Variants in DDX55 observed in about 807,000 individuals in gnomAD.
DDX55 encodes ATP-dependent RNA helicase DDX55.
Under a neutral mutation model 69.2 loss-of-function variants are expected in DDX55, and 56 were observed. The ratio of observed to expected loss-of-function variants is 0.81; its 90% CI spans 0.65 to 1.01. DDX55 has a LOEUF of 1.01. Ranked by LOEUF, DDX55 falls within the 50% of genes least tolerant of loss-of-function variation. The pLI is 0.00. For missense variants in DDX55, 720 were observed against 745.1 expected (o/e 0.97, Z 0.39); for synonymous variants, 268 against 273.1 (o/e 0.98, Z 0.18).
intron 9 of DDX55, among the ~76,000 whole-genome samples, chr12:123,615,706 C>T (rs1285643972): frequency 6.6e-6 from 1 of 152,116 alleles, no homozygotes; most frequent in East Asian, 1.9e-4. Flanking sequence ...GGCTTAAGGC[C>T]GGACACGGTG....
At chr12:123,617,930 C>T (rs2135743392) in intron 11 of DDX55, 58 bp downstream of exon 11, 3 of 1,510,790 alleles carry the variant, frequency 2.0e-6, no homozygotes, top group Non-Finnish European at 2.8e-6. Context: ...TGGAAAAGTT[C>T]TCCAGCATGT....
At chr12:123,609,160 C>T (rs968134206) in intron 6 of DDX55, among the ~76,000 whole-genome samples, 1 of 151,864 alleles carries the variant, frequency 6.6e-6, no homozygotes, top group Non-Finnish European at 1.5e-5. Context: ...CCATGTTGCC[C>T]AGTCTGTTCT....
At chr12:123,608,621 TC>T in intron 5 of DDX55, 58 bp from the exon 6 acceptor site, 1 of 1,589,938 alleles carries the variant, frequency 6.3e-7, no homozygotes, top group Non-Finnish European at 8.6e-7. Flanking sequence ...ATTTTGGTAA[TC>T]ATCAACCACA....
chr12:123,603,584 G>T (rs1453238688), intron 1 of DDX55, among the ~76,000 whole-genome samples: 2 of 151,842 alleles, frequency 1.3e-5, no homozygotes, highest in Non-Finnish European at 2.9e-5. Context: ...TAGATACGGG[G>T]TTTCACCATC....
rs780839350 is a variant in DDX55 at position 123,619,456 on chromosome 12, G to A, written c.1358G>A (p.Arg453Gln). ...LKDLDFASLARGFALLRMPKM... is the reference protein window; with the variant it reads ...LKDLDFASLAQGFALLRMPKM... ...GATCTTGATTTTGCCAGCCTTGCTC[G>A]AGGTTTTGCCCTGCTGAGGATGCCC... The change falls in exon 13 of 14, where the codon CGA becomes CAA. Residue 453 changes from arginine (R) to glutamine (Q), a missense_variant. Arg to Gln is a conservative substitution (Grantham distance 43). Coordinates refer to ENST00000238146, the MANE Select transcript of DDX55 (RefSeq NM_020936.3). 9 of 1,612,300 alleles carry A rather than the reference G, an allele frequency of 5.6e-6. No homozygotes were observed. Among genetic ancestry groups the A allele is most frequent in the Middle Eastern group, 3.3e-4 (2 of 6,064 alleles).
In DDX55 at chr12:123,613,161, AT is replaced by A. The variant is rs757969750; in HGVS notation, c.742-5del. 6.2e-7 allele frequency: 1 copy of A among 1,613,748 alleles called. No individual in the cohort carries two copies. Among genetic ancestry groups the A allele is most frequent in the African/African-American group, 1.3e-5 (1 of 75,012 alleles). ...ATGTTTTTTATTAGTTTCCCTTTTT[AT>A]TTTGCAGGTATGCAAGGCAGATGAG... On this transcript the variant is annotated splice_region_variant and splice_polypyrimidine_tract_variant and intron_variant, in intron 7 of 13. Transcript: ENST00000238146.
rs778449815 is a variant in DDX55 at position 123,615,252 on chromosome 12, T to C, written c.892T>C (p.Cys298Arg). Residue 298 changes from cysteine (C) to arginine (R), a missense_variant, in exon 9 of 14, where the codon TGC becomes CGC. Cys to Arg is a radical substitution (Grantham distance 180). Coordinates refer to ENST00000238146, the MANE Select transcript of DDX55 (RefSeq NM_020936.3). ...GCTGGTGAAGGGCGTGAAGATTATGTGCATTCACGGAAAGATGAAATATAA... is the reference window on the plus strand; with the variant it reads ...GCTGGTGAAGGGCGTGAAGATTATGCGCATTCACGGAAAGATGAAATATAA... ...EVLVKGVKIM[C>R]IHGKMKYKRN... 3.7e-6 allele frequency: 6 copies of C among 1,614,186 alleles called. No homozygotes were observed. The East Asian group carries it at 1.1e-4, about 30-fold the overall frequency.
rs182275271 is a variant in DDX55, at chr12:123,618,279, T to C, written c.1165-390T>C. On this transcript the variant is annotated intron_variant, in intron 11 of 13. Coordinates refer to ENST00000238146, the MANE Select transcript of DDX55 (RefSeq NM_020936.3). ...CGCCCACCTCGGCCTCCCAAAGTGC[T>C]GGGATGACAGGCGTGAGCCACCGTG... 4.5e-4 allele frequency: 220 copies of C among 487,164 alleles called. 1 individual carries two copies. Among genetic ancestry groups the C allele is most frequent in the Non-Finnish European group, 7.5e-4 (186 of 247,720 alleles). The allele number at this position is 487,164 out of a possible 1,614,324, so 30.2% of individuals were successfully genotyped here.
At chr12:123,616,777 T>G in intron 10 of DDX55, 174 bp downstream of exon 10, 1 of 686,192 alleles carries the variant, frequency 1.5e-6, no homozygotes, top group East Asian at 2.6e-5. Context: ...CAGAACAGTT[T>G]TGAAATGGTT....
rs1302319223 is a variant in DDX55, at chr12:123,618,885, G to A, written c.1333+48G>A. The A allele has an allele frequency of 5.6e-6, 9 of 1,597,886 alleles. 1 individual carries two copies. The highest frequency in any genetic ancestry group is 7.7e-6 in the Non-Finnish European group (9 of 1,170,020). On this transcript the variant is annotated intron_variant, in intron 12 of 13. Transcript: ENST00000238146. ...ATAATGTCTCCATCTTAACTATGTG[G>A]TGGTCTTACAAGTATGAGATTGCTT...
Position 123,619,417 on chromosome 12 carries a change from TTC to T in DDX55, c.1334-13_1334-12del, listed in dbSNP as rs754586073. The T allele has an allele frequency of 1.5e-5, 24 of 1,604,600 alleles. No individual in the cohort carries two copies. In the African/African-American group the frequency reaches 3.1e-4, roughly 21 times the overall value. ...CCTGTTGAGTGCGCTAACTCTGATC[TTC>T]TGATTGAATCAGATCTTGATTTTGC... On this transcript the variant is annotated splice_polypyrimidine_tract_variant and intron_variant, in intron 12 of 13. Transcript: ENST00000238146.
In DDX55 at chr12:123,617,858, G is replaced by C; in HGVS notation, c.1150G>C (p.Ala384Pro). The change falls in exon 11 of 14, where the codon GCA becomes CCA. Residue 384 changes from alanine (A) to proline (P), a missense_variant. Transcript: ENST00000238146. ...GGAAGAGTCATACATCAATTTCCTT[G>C]CAATTAACCAAAAAGTAAGCTGCCG... ...PMEESYINFLAINQKCPLQEM... is the reference protein window; with the variant it reads ...PMEESYINFLPINQKCPLQEM... The C allele has an allele frequency of 6.2e-7, 1 of 1,614,118 alleles. No homozygotes were observed. Among genetic ancestry groups the C allele is most frequent in the Non-Finnish European group, 8.5e-7 (1 of 1,180,008 alleles).
chr12:123,606,014 G>A (rs780438032), intron 2 of DDX55, 33 bp downstream of exon 2: 4 of 1,613,192 alleles, frequency 2.5e-6, no homozygotes, highest in Admixed American at 1.7e-5. Context: ...GCCTGTCCTC[G>A]TGTTCTCCCT....
chr12:123,608,897 G>T, intron 6 of DDX55, 68 bp downstream of exon 6: 1 of 1,393,876 alleles, frequency 7.2e-7, no homozygotes, highest in Non-Finnish European at 9.6e-7. Context: ...GAGCAAAATG[G>T]AGTTTACTGT....
In DDX55 at chr12:123,619,688, G is replaced by C. The variant is rs764724274; in HGVS notation, c.1590G>C (p.Lys530Asn). The C allele has an allele frequency of 3.2e-6, 5 of 1,575,960 alleles. No individual in the cohort carries two copies. The Admixed American group carries it at 6.1e-5, about 19-fold the overall frequency. The change falls in exon 13 of 14, where the codon AAG becomes AAC. Residue 530 changes from lysine (K) to asparagine (N), a missense_variant. Lys to Asn is a moderately conservative substitution (Grantham distance 94). Coordinates refer to ENST00000238146, the MANE Select transcript of DDX55 (RefSeq NM_020936.3). ...AWSKQKAKKEKKKKMNEKRKR... is the reference protein window; with the variant it reads ...AWSKQKAKKENKKKMNEKRKR... ...CAAAGCAGAAGGCCAAAAAAGAAAA[G>C]AAGAAAAAAATGAATGAGAAAAGGA... is the stretch of plus-strand genomic sequence containing the variant.
chr12:123,603,063 A>T (rs1462911911), intron 1 of DDX55, among the ~76,000 whole-genome samples: 3 of 152,192 alleles, frequency 2.0e-5, no homozygotes, highest in Non-Finnish European at 4.4e-5. Flanking sequence ...TTTGTGGCTG[A>T]ACATCAAGAG....
chr12:123,618,626 GC>G (rs1954890312), intron 11 of DDX55, 42 bp from the exon 12 acceptor site: 2 of 1,592,188 alleles, frequency 1.3e-6, no homozygotes, highest in Non-Finnish European at 8.6e-7. Context: ...GGGATATGAT[GC>G]CAGCCAGGGA....
At chr12:123,616,421 G>GT in intron 9 of DDX55, 90 bp from the exon 10 acceptor site, 1 of 1,142,964 alleles carries the variant, frequency 8.7e-7, no homozygotes, top group Non-Finnish European at 1.3e-6. Context: ...TCCAGCACCT[G>GT]TGTGTCACTG....
intron 1 of DDX55, among the ~76,000 whole-genome samples, chr12:123,603,790 TTTTG>T (rs777261972): frequency 1.3e-5 from 2 of 152,040 alleles, no homozygotes; most frequent in East Asian, 1.9e-4. Context: ...TTTTTTTGTT[TTTTG>T]TTTGTTTGTT....
Sources: gnomAD v4.1 joint callset for allele counts (sites outside exome capture counted in the v4.1 genomes callset) on GRCh38, gnomAD v4.1.1 for gene constraint, MANE v1.5 for transcripts, NCBI Gene and HGNC (gene_info 2026-07-23, HGNC 2026-07-21) for gene names.